Variants in CCDC171 observed in about 807,000 individuals in gnomAD.
The protein encoded by CCDC171 is coiled-coil domain-containing protein 171.
CCDC171 carries 177 observed loss-of-function variants against 168.2 expected under a neutral mutation model. That is an observed-to-expected ratio of 1.05 (90% confidence interval 0.93 to 1.19). The LOEUF is 1.19. Among genes scored for constraint, CCDC171 ranks in the 50% most tolerant of loss-of-function variants. The probability of loss-of-function intolerance (pLI) is 0.00; values close to 1 mark genes in which losing one functional copy is unlikely to be tolerated. For synonymous variants in CCDC171, 687 were observed against 540.8 expected, an observed-to-expected ratio of 1.27 and a Z score of -3.75; for missense variants, 1,991 against 1,539.0, an observed-to-expected ratio of 1.29 and a Z score of -4.91.
At chr9:16,020,842 GT>G (rs1302604494) in intron 4 of CCDC171, 1 of 152,618 alleles carries the variant, frequency 6.6e-6, no homozygotes, top group African/African-American at 2.4e-5. Context: ...AAATTTCCAT[GT>G]AATATTTTTG....
At chr9:15,644,077 G>A (rs1430324348) in intron 7 of CCDC171, among the ~76,000 whole-genome samples, 2 of 152,020 alleles carry the variant, frequency 1.3e-5, no homozygotes, top group African/African-American at 4.8e-5. Context: ...TTTCTCTTGG[G>A]CAAATATATA....
At chr9:15,631,789 G>A (rs1301889853) in intron 7 of CCDC171, among the ~76,000 whole-genome samples, 3 of 152,120 alleles carry the variant, frequency 2.0e-5, no homozygotes, top group Admixed American at 6.5e-5. Flanking sequence ...CTGGCAAACT[G>A]AATCCAGCAG....
intron 1 of CCDC171, among the ~76,000 whole-genome samples, chr9:16,056,271 G>A (rs914430780): frequency 3.9e-5 from 6 of 152,088 alleles, no homozygotes; most frequent in African/African-American, 7.2e-5. Context: ...GTTGCCCAAC[G>A]GAACTTTCTA....
At chr9:16,043,799 A>G (rs1174346008) in intron 1 of CCDC171, among the ~76,000 whole-genome samples, 1 of 152,260 alleles carries the variant, frequency 6.6e-6, no homozygotes, top group Non-Finnish European at 1.5e-5. Flanking sequence ...TCAAAAAATC[A>G]AAGTACTGAA....
chr9:15,915,685 T>C (rs1459895942), intron 24 of CCDC171, among the ~76,000 whole-genome samples: 1 of 152,184 alleles, frequency 6.6e-6, no homozygotes, highest in Non-Finnish European at 1.5e-5. Flanking sequence ...GACGTCCTTT[T>C]CTTGTTCCAG....
chr9:16,034,045 A>T (rs1308537482), intron 6 of CCDC171, among the ~76,000 whole-genome samples: 1 of 152,250 alleles, frequency 6.6e-6, no homozygotes, highest in East Asian at 1.9e-4. Flanking sequence ...AAGTTTGAAG[A>T]TCAAGTGCTT....
intron 11 of CCDC171, among the ~76,000 whole-genome samples, chr9:15,714,661 G>A (rs1220805965): frequency 6.6e-6 from 1 of 152,090 alleles, no homozygotes; most frequent in African/African-American, 2.4e-5. Context: ...GAAGATTTAC[G>A]GTATTTTTTG....
chr9:16,052,794 C>T (rs1328262912), intron 1 of CCDC171, among the ~76,000 whole-genome samples: 1 of 151,816 alleles, frequency 6.6e-6, no homozygotes, highest in Admixed American at 6.6e-5. Context: ...TCCCCCAACC[C>T]ACCGCCCCCC....
At chr9:16,093,654 T>C in the CCDC171 span, among the ~76,000 whole-genome samples, 2 of 152,198 alleles carry the variant, frequency 1.3e-5, no homozygotes, top group East Asian at 1.9e-4. Flanking sequence ...ATTTGTTCCT[T>C]GCTTTAAGGG....
chr9:15,935,147 C>G (rs1826970387), intron 25 of CCDC171, among the ~76,000 whole-genome samples: 1 of 152,008 alleles, frequency 6.6e-6, no homozygotes, highest in African/African-American at 2.4e-5. Context: ...TTTAAAATTG[C>G]AAAACTAGTA....
At chr9:16,020,188 C>T (rs939061258) in intron 3 of CCDC171, among the ~76,000 whole-genome samples, 5 of 152,186 alleles carry the variant, frequency 3.3e-5, no homozygotes, top group Non-Finnish European at 7.3e-5. Context: ...AATTTTGTTT[C>T]ATGCACAAAA....
chr9:15,715,042 A>T (rs1446334420), intron 11 of CCDC171, among the ~76,000 whole-genome samples: 1 of 152,190 alleles, frequency 6.6e-6, no homozygotes, highest in East Asian at 1.9e-4. Context: ...AATCACTTGC[A>T]CTAAATTCAG....
intron 3 of CCDC171, among the ~76,000 whole-genome samples, chr9:15,575,481 C>G (rs2040574968): frequency 6.6e-6 from 1 of 152,098 alleles, no homozygotes; most frequent in Non-Finnish European, 1.5e-5. Flanking sequence ...GCTGACATAA[C>G]TTCTTTTAGC....
chr9:15,999,791 G>T (rs995866163), intron 3 of CCDC171, among the ~76,000 whole-genome samples: 2 of 152,160 alleles, frequency 1.3e-5, no homozygotes, highest in African/African-American at 4.8e-5. Context: ...CTGAGACATA[G>T]GTCTCTGCTC....
intron 9 of CCDC171, among the ~76,000 whole-genome samples, chr9:15,674,034 A>G (rs1360950786): frequency 1.3e-5 from 2 of 152,112 alleles, no homozygotes; most frequent in African/African-American, 4.8e-5. Context: ...AGAACCTATT[A>G]TTGGTCTATT....
intron 7 of CCDC171, among the ~76,000 whole-genome samples, chr9:15,634,336 T>A (rs2046023952): frequency 6.6e-6 from 1 of 152,152 alleles, no homozygotes; most frequent in Non-Finnish European, 1.5e-5. Flanking sequence ...TCTCTGTATT[T>A]CTTTTATTTC....
chr9:15,838,778 A>G (rs1037273759), intron 21 of CCDC171, among the ~76,000 whole-genome samples: 39 of 152,214 alleles, frequency 2.6e-4, no homozygotes, highest in Non-Finnish European at 4.0e-4. Flanking sequence ...AATTAGGCAC[A>G]TAAGTGTCTT....
intron 21 of CCDC171, among the ~76,000 whole-genome samples, chr9:15,823,632 G>T (rs1022857565): frequency 6.6e-6 from 1 of 152,042 alleles, no homozygotes; most frequent in African/African-American, 2.4e-5. Context: ...ATACGCATGA[G>T]GACGCTGCTT....
chr9:15,983,815 AGAGTGTGTGTGT>A (rs1191618052), intron 3 of CCDC171, among the ~76,000 whole-genome samples: 3 of 124,510 alleles, frequency 2.4e-5, no homozygotes, highest in Non-Finnish European at 5.1e-5. Flanking sequence ...CTAAATAAAG[AGAGTGTGTGTGT>A]GTGTGTGTGT....
Sources: gnomAD v4.1 joint callset for allele counts (sites outside exome capture counted in the v4.1 genomes callset) on GRCh38, gnomAD v4.1.1 for gene constraint, MANE v1.5 for transcripts, NCBI Gene and HGNC (gene_info 2026-07-23, HGNC 2026-07-21) for gene names.